The following ROBO2 variants were observed in gnomAD, a reference collection of about 807,000 sequenced individuals.
ROBO2 encodes the protein roundabout homolog 2.
Under a neutral mutation model 160.8 loss-of-function variants are expected in ROBO2, and 53 were observed. The observed-to-expected ratio is 0.33, with a 90% confidence interval of 0.26 to 0.41. ROBO2 has a LOEUF of 0.41. ROBO2 is among the 10% of genes least tolerant of loss of function. The pLI is 1.00. For missense variants in ROBO2, 1,577 were observed against 1,722.4 expected (o/e 0.92, Z 1.49); for synonymous variants, 664 against 611.7 (o/e 1.09, Z -1.26).
Position 76,819,058 on chromosome 3 carries a change from T to A in ROBO2, c.110-278956T>A, listed in dbSNP as rs143648610. The stretch of plus-strand genomic sequence containing the variant: ...TTCATTGATCTTAGGTATCCATTCA[T>A]TCTTTTAACAAATATTTTTGACTGC... On this transcript the variant is annotated intron_variant, in intron 2 of 26. Coordinates refer to the ROBO2 transcript ENST00000487694. Among the ~76,000 whole-genome samples the A allele has an allele frequency of 2.3e-4, 35 of 152,224 alleles. No individual in the cohort carries two copies. In the East Asian group the frequency reaches 6.8e-3, roughly 29 times the overall value.
At chr3:77,346,994 G>A (rs2067727115) in intron 2 of ROBO2, among the ~76,000 whole-genome samples, 4 of 152,114 alleles carry the variant, frequency 2.6e-5, no homozygotes, top group Admixed American at 2.6e-4. Context: ...CAACTGCAGA[G>A]TCCCTTCACA....
chr3:77,358,221 C>T (rs1374072878), intron 2 of ROBO2, among the ~76,000 whole-genome samples: 1 of 152,172 alleles, frequency 6.6e-6, no homozygotes, highest in Admixed American at 6.6e-5. Flanking sequence ...TAGGTAGACT[C>T]TTTCCATGCC....
intron 2 of ROBO2, among the ~76,000 whole-genome samples, chr3:76,596,996 A>G (rs892819821): frequency 3.3e-5 from 5 of 152,140 alleles, no homozygotes; most frequent in Non-Finnish European, 5.9e-5. Context: ...ATTTATACTA[A>G]AACTTACATC....
chr3:77,332,691 G>A (rs965027337), intron 2 of ROBO2, among the ~76,000 whole-genome samples: 5 of 152,046 alleles, frequency 3.3e-5, no homozygotes, highest in Admixed American at 6.6e-5. Context: ...TGTGTAATTA[G>A]GCATTAATTC....
intron 2 of ROBO2, among the ~76,000 whole-genome samples, chr3:77,213,148 A>G (rs987665299): frequency 6.6e-6 from 1 of 152,182 alleles, no homozygotes; most frequent in African/African-American, 2.4e-5. Context: ...TTCAGAAGGA[A>G]TGGTACCAGC....
Position 77,328,247 on chromosome 3 carries a change from C to G in ROBO2, c.389-149167C>G, listed in dbSNP as rs182804076. On this transcript the variant is annotated intron_variant, in intron 2 of 25. Coordinates refer to ENST00000461745, the Ensembl canonical transcript of ROBO2. Reference sequence around the variant, plus strand: ...CATGATGCAGTGATGGTGAGCCACACAGTACATTACTGTAAGTCCCTGTTG... The same window carrying G: ...CATGATGCAGTGATGGTGAGCCACAGAGTACATTACTGTAAGTCCCTGTTG... Among the ~76,000 whole-genome samples, 11 of 152,044 alleles carry G rather than the reference C, an allele frequency of 7.2e-5. No homozygotes were observed. The East Asian group carries it at 2.1e-3, about 29-fold the overall frequency.
chr3:77,027,308 C>T (rs577256897), intron 2 of ROBO2, among the ~76,000 whole-genome samples: 27 of 152,158 alleles, frequency 1.8e-4, no homozygotes, highest in African/African-American at 5.3e-4. Flanking sequence ...AGAATTCACC[C>T]GAACCACCTA....
chr3:77,081,036 A>G (rs2068597773), intron 1 of ROBO2, among the ~76,000 whole-genome samples: 1 of 152,046 alleles, frequency 6.6e-6, no homozygotes, highest in Admixed American at 6.5e-5. Context: ...TGTTCTCATG[A>G]TTCTGTGTGT....
intron 2 of ROBO2, among the ~76,000 whole-genome samples, chr3:77,473,745 C>G (rs939108110): frequency 3.9e-5 from 6 of 151,998 alleles, no homozygotes; most frequent in Non-Finnish European, 8.8e-5. Context: ...CGTGAGCCAC[C>G]GCGCCTGGCT....
chr3:76,591,456 T>A (rs1371485372), intron 2 of ROBO2, among the ~76,000 whole-genome samples: 1 of 152,148 alleles, frequency 6.6e-6, no homozygotes, highest in Non-Finnish European at 1.5e-5. Context: ...AAGCCATAGA[T>A]ACTTCTAATA....
intron 4 of ROBO2, among the ~76,000 whole-genome samples, chr3:77,489,167 C>G (rs1002719973): frequency 6.6e-6 from 1 of 152,196 alleles, no homozygotes; most frequent in African/African-American, 2.4e-5. Context: ...ACAGCACATC[C>G]TAATACCCAG....
At chr3:77,529,825 A>G (rs1211092018) in intron 6 of ROBO2, among the ~76,000 whole-genome samples, 3 of 151,904 alleles carry the variant, frequency 2.0e-5, no homozygotes, top group Non-Finnish European at 2.9e-5. Flanking sequence ...AATATAAAGA[A>G]CTATACTTTA....
chr3:77,206,680 T>C (rs886745438), intron 2 of ROBO2, among the ~76,000 whole-genome samples: 1 of 152,142 alleles, frequency 6.6e-6, no homozygotes, highest in Non-Finnish European at 1.5e-5. Context: ...ATATTATTTC[T>C]TTTTGGAATA....
intron 2 of ROBO2, among the ~76,000 whole-genome samples, chr3:76,749,884 ACC>A (rs1255517325): frequency 1.3e-5 from 2 of 152,112 alleles, no homozygotes; most frequent in African/African-American, 4.8e-5. Context: ...AGGAGCTGGT[ACC>A]ATTCCTTCTG....
chr3:77,609,990 C>T (rs1331169209), intron 21 of ROBO2, among the ~76,000 whole-genome samples: 1 of 150,348 alleles, frequency 6.7e-6, no homozygotes. Flanking sequence ...TTTTAAAAGG[C>T]TAACACTTGA....
chr3:76,377,165 A>G (rs1245595280), intron 2 of ROBO2, among the ~76,000 whole-genome samples: 1 of 152,138 alleles, frequency 6.6e-6, no homozygotes, highest in East Asian at 1.9e-4. Context: ...ATTTATATCT[A>G]TGGAATTACA....
At chr3:77,184,622 G>A (rs893159238) in intron 2 of ROBO2, among the ~76,000 whole-genome samples, 1 of 151,902 alleles carries the variant, frequency 6.6e-6, no homozygotes, top group African/African-American at 2.4e-5. Context: ...TTTCAGGATG[G>A]TGGGACAATG....
At chr3:76,749,910 C>G (rs151113970) in intron 2 of ROBO2, among the ~76,000 whole-genome samples, 38 of 152,120 alleles carry the variant, frequency 2.5e-4, no homozygotes, top group Non-Finnish European at 4.0e-4. Flanking sequence ...CTATTCCAAT[C>G]GACAGGAAAA....
At chr3:77,113,449 G>A (rs761023657) in intron 2 of ROBO2, among the ~76,000 whole-genome samples, 6 of 152,174 alleles carry the variant, frequency 3.9e-5, no homozygotes, top group Non-Finnish European at 8.8e-5. Context: ...AGCTGATGGA[G>A]TCTAATCTTC....
Sources: allele counts gnomAD v4.1 joint callset (sites outside exome capture counted in the v4.1 genomes callset), GRCh38; gene constraint gnomAD v4.1.1; transcripts MANE v1.5; gene names NCBI Gene and HGNC (gene_info 2026-07-23, HGNC 2026-07-21).